Variants in TRPV5 observed in about 807,000 individuals in gnomAD.
The protein encoded by TRPV5 is calcium transport protein 2.
In TRPV5, 66 loss-of-function variants were observed where a neutral mutation model predicts 74.1. The ratio of observed to expected loss-of-function variants is 0.89; its 90% CI spans 0.73 to 1.09. TRPV5 has a LOEUF of 1.09. TRPV5 is among the 50% of genes least tolerant of loss of function. The pLI, the probability that TRPV5 is intolerant of heterozygous loss-of-function variation, is 0.00. For missense variants in TRPV5, 936 were observed against 930.4 expected (o/e 1.01, Z -0.08); for synonymous variants, 399 against 360.7 (o/e 1.11, Z -1.20).
At chr7:142,915,425 G>T (rs370422551) in intron 9 of TRPV5, 42 bp from the exon 10 acceptor site, 58 of 1,610,904 alleles carry the variant, frequency 3.6e-5, no homozygotes, top group Non-Finnish European at 4.8e-5. Context: ...TGTGGACTGC[G>T]GTACAGTCTG....
intron 8 of TRPV5, among the ~76,000 whole-genome samples, chr7:142,919,140 C>T (rs573065155): frequency 2.1e-3 from 320 of 152,314 alleles, no homozygotes; most frequent in Non-Finnish European, 3.5e-3. Context: ...TTTCCTGCCC[C>T]TCCATGCCCA....
At chr7:142,915,074 A>G (rs1795770778) in intron 10 of TRPV5, 28 bp from the exon 11 acceptor site, 3 of 1,609,146 alleles carry the variant, frequency 1.9e-6, no homozygotes, top group Non-Finnish European at 2.5e-6. Flanking sequence ...AGAGAGTGAG[A>G]GACAAGCTGG....
At chr7:142,910,032 G>T (rs1255953512) in intron 13 of TRPV5, among the ~76,000 whole-genome samples, 1 of 152,174 alleles carries the variant, frequency 6.6e-6, no homozygotes, top group Admixed American at 6.5e-5. Flanking sequence ...GAAGGAAAAG[G>T]GTTGATTAAT....
At chr7:142,915,880 G>A (rs1048307966) in intron 8 of TRPV5, among the ~76,000 whole-genome samples, 2 of 152,192 alleles carry the variant, frequency 1.3e-5, no homozygotes, top group East Asian at 3.9e-4. Context: ...ACATTTCAGC[G>A]CATCAAGTGA....
chr7:142,928,135 C>G lies in TRPV5; in HGVS notation c.862G>C (p.Glu288Gln). 6.2e-7 allele frequency: 1 copy of G among 1,614,212 alleles called. No homozygotes were observed. The highest frequency in any genetic ancestry group is 8.5e-7 in the Non-Finnish European group (1 of 1,180,036). Residue 288 changes from glutamate (E) to glutamine (Q), a missense_variant, in exon 7 of 15, where the codon GAG becomes CAG. Physicochemically the swap from Glu to Gln is conservative, Grantham distance 29 (BLOSUM62 2). Transcript: ENST00000265310. The stretch of plus-strand genomic sequence containing the variant: ...ACAAGCTCCAGGAAGGACAGCTCCT[C>G]TCCCCAGGAGTCGATCTCCGTGAGG... ...YDLTEIDSWG[E>Q]ELSFLELVVS...
At chr7:142,919,143 C>T (rs1454300134) in intron 8 of TRPV5, among the ~76,000 whole-genome samples, 4 of 152,190 alleles carry the variant, frequency 2.6e-5, no homozygotes, top group Admixed American at 6.5e-5. Flanking sequence ...CCTGCCCCTC[C>T]ATGCCCAGGT....
chr7:142,930,091 C>G lies in TRPV5; in HGVS notation c.316G>C (p.Val106Leu). The G allele has an allele frequency of 6.2e-7, 1 of 1,614,210 alleles. No homozygotes were observed. Among genetic ancestry groups the G allele is most frequent in the Non-Finnish European group, 8.5e-7 (1 of 1,180,034 alleles). Residue 106 changes from valine (V) to leucine (L), a missense_variant, in exon 3 of 15, where the codon GTC becomes CTC. Physicochemically the swap from Val to Leu is conservative, Grantham distance 32. Coordinates refer to ENST00000265310, the MANE Select transcript of TRPV5 (RefSeq NM_019841.7). ...GCCTCACATGTGGTGGGCTCAAAGA[C>G]CAGCTCTGGGGCAGCCTCCATCAGC... ...LVLMEAAPEL[V>L]FEPTTCEAFA...
At chr7:142,924,343 T>TATATACATATACATGTATATATATAC (rs1795942291) in intron 8 of TRPV5, among the ~76,000 whole-genome samples, 893 of 12,170 alleles carry the variant, frequency 0.073, 163 homozygotes, top group African/African-American at 0.12. Context: ...TATACATATA[T>TATATACATATACATGTATATATATAC]ATATATATAG....
chr7:142,932,968 C>T (rs975490581), intron 1 of TRPV5, among the ~76,000 whole-genome samples: 1 of 152,194 alleles, frequency 6.6e-6, no homozygotes, highest in African/African-American at 2.4e-5. Flanking sequence ...CGTGCTTCCA[C>T]CACCCACAGG....
intron 2 of TRPV5, 47 bp downstream of exon 2, chr7:142,930,302 G>A (rs1190612529): frequency 3.1e-6 from 5 of 1,608,358 alleles, no homozygotes; most frequent in Non-Finnish European, 4.3e-6. Flanking sequence ...GGGAGGAGGA[G>A]TAGGTTCTTC....
chr7:142,915,732 C>T (rs1795785274), intron 8 of TRPV5, among the ~76,000 whole-genome samples, 164 bp from the exon 9 acceptor site: 1 of 152,204 alleles, frequency 6.6e-6, no homozygotes, highest in African/African-American at 2.4e-5. Flanking sequence ...AACTCTGTGA[C>T]CAGGACAGGA....
In TRPV5 at chr7:142,908,581, G is replaced by A. The variant is rs764311570; in HGVS notation, c.2123C>T (p.Thr708Ile). 9 of 1,614,100 alleles carry A rather than the reference G, an allele frequency of 5.6e-6. No homozygotes were observed. The East Asian group carries it at 2.0e-4, about 36-fold the overall frequency. The change falls in exon 15 of 15, where the codon ACC becomes ATC. Residue 708 changes from threonine to isoleucine, a missense_variant. Thr to Ile is a moderately conservative substitution (Grantham distance 89, BLOSUM62 -1). Transcript: ENST00000265310. ...HRGWEILRQN[T>I]LGHLNLGLNL... The stretch of plus-strand genomic sequence containing the variant: ...CAGTCCAAGATTCAAGTGCCCCAGG[G>A]TGTTTTGACGAAGGATCTCCCAGCC...
chr7:142,926,190 G>A (rs1356884827), intron 7 of TRPV5, among the ~76,000 whole-genome samples: 1 of 152,176 alleles, frequency 6.6e-6, no homozygotes, highest in African/African-American at 2.4e-5. Flanking sequence ...GCCAAGGTAG[G>A]AAGTTTGCAT....
intron 8 of TRPV5, among the ~76,000 whole-genome samples, chr7:142,916,364 C>A (rs1028853450): frequency 1.3e-5 from 2 of 152,184 alleles, no homozygotes; most frequent in African/African-American, 4.8e-5. Context: ...TGTTACTTCA[C>A]GGTGAAACTT....
Position 142,908,479 on chromosome 7 carries a change from A to C in TRPV5, c.*35T>G. 1 of 1,605,182 alleles carries C rather than the reference A, an allele frequency of 6.2e-7. No homozygotes were observed. The highest frequency in any genetic ancestry group is 8.5e-7 in the Non-Finnish European group (1 of 1,172,770). On this transcript the variant is annotated 3_prime_UTR_variant, in exon 15 of 15. Transcript: ENST00000265310. ...CGTCTCTGTCCCCGCCCCCAGGCCA[A>C]CCGGGAGTAAGGTCAAGAGTGATAG...
chr7:142,919,091 T>A (rs1422296961), intron 8 of TRPV5, among the ~76,000 whole-genome samples: 2 of 152,154 alleles, frequency 1.3e-5, no homozygotes, highest in African/African-American at 4.8e-5. Flanking sequence ...CACCGATGCC[T>A]CAAGACTCAG....
intron 7 of TRPV5, among the ~76,000 whole-genome samples, chr7:142,926,094 G>C (rs1002401754): frequency 4.6e-5 from 7 of 152,202 alleles, no homozygotes; most frequent in Non-Finnish European, 8.8e-5. Context: ...GATGTGGTTG[G>C]GGAGAGGGGA....
intron 12 of TRPV5, 87 bp from the exon 13 acceptor site, chr7:142,912,837 G>GATCTATCC: frequency 1.4e-6 from 1 of 734,312 alleles, no homozygotes; most frequent in East Asian, 2.8e-5. Context: ...TTCTATCTCT[G>GATCTATCC]ATCTATCTAT....
chr7:142,929,097 C>G lies in TRPV5; in HGVS notation c.511G>C (p.Ala171Pro), dbSNP rs1314768594. The change falls in exon 5 of 15, where the codon GCC becomes CCC. Residue 171 changes from alanine to proline, a missense_variant. Ala to Pro is a conservative substitution (Grantham distance 27). Coordinates refer to ENST00000265310, the MANE Select transcript of TRPV5 (RefSeq NM_019841.7). ...ACGATCTCCTCGCTGTTCACACAGG[C>G]AGCAAAGGACAAAGGGTGCTCCCCT... ...YFGEHPLSFA[A>P]CVNSEEIVRL... The G allele has an allele frequency of 5.6e-6, 9 of 1,614,002 alleles. No individual in the cohort carries two copies. The highest frequency in any genetic ancestry group is 7.6e-6 in the Non-Finnish European group (9 of 1,180,018).
Sources: allele counts gnomAD v4.1 joint callset (sites outside exome capture counted in the v4.1 genomes callset), GRCh38; gene constraint gnomAD v4.1.1; transcripts MANE v1.5; gene names NCBI Gene and HGNC (gene_info 2026-07-23, HGNC 2026-07-21).